ITGB8: variants seen among roughly 807,000 people sequenced by gnomAD.
ITGB8 encodes integrin beta-8.
ITGB8 carries 30 observed loss-of-function variants against 89.5 expected under a neutral mutation model. The observed-to-expected ratio is 0.34, with a 90% CI of 0.25 to 0.45. The LOEUF (loss-of-function observed/expected upper bound fraction) is 0.45, where lower values mean the gene tolerates loss of function less well. Among genes scored for constraint, ITGB8 ranks in the 20% least tolerant of loss-of-function variants. The pLI is 1.00. For missense variants in ITGB8, 836 were observed against 933.3 expected (o/e 0.90, Z 1.36); for synonymous variants, 335 against 320.4 (o/e 1.05, Z -0.49).
intron 1 of ITGB8, among the ~76,000 whole-genome samples, chr7:20,347,330 T>C (rs1305220404): frequency 1.3e-5 from 2 of 152,184 alleles, no homozygotes; most frequent in Non-Finnish European, 2.9e-5. Context: ...ATGTGATCAC[T>C]GTATCAGCAA....
chr7:20,373,493 C>T (rs914017923), intron 3 of ITGB8, among the ~76,000 whole-genome samples: 1 of 152,126 alleles, frequency 6.6e-6, no homozygotes, highest in African/African-American at 2.4e-5. Flanking sequence ...AAACTTGGTT[C>T]GTTTTAATAA....
intron 1 of ITGB8, among the ~76,000 whole-genome samples, chr7:20,350,170 G>A (rs534114758): frequency 4.6e-5 from 7 of 152,244 alleles, no homozygotes; most frequent in Admixed American, 2.0e-4. Context: ...GTTTTGAGAC[G>A]GAGTTTCACT....
intron 1 of ITGB8, among the ~76,000 whole-genome samples, chr7:20,337,801 G>T (rs1369580426): frequency 6.6e-6 from 1 of 152,198 alleles, no homozygotes; most frequent in Non-Finnish European, 1.5e-5. Context: ...CATGGGCAGG[G>T]AGTCCATGGG....
At chr7:20,376,717 C>T (rs187211628) in intron 3 of ITGB8, among the ~76,000 whole-genome samples, 2 of 152,214 alleles carry the variant, frequency 1.3e-5, no homozygotes, top group East Asian at 3.9e-4. Flanking sequence ...GTCTATTTAC[C>T]TTGAATTGAC....
In ITGB8 at chr7:20,389,838, GT is replaced by G. The variant is rs5882739; in HGVS notation, c.961-1554del. 5.1e-4 allele frequency among the ~76,000 whole-genome samples: 76 copies of G among 148,844 alleles called. 1 individual carries two copies. The East Asian group carries it at 6.5e-3, about 13-fold the overall frequency. On this transcript the variant is annotated intron_variant, in intron 6 of 13. Transcript: ENST00000222573. Reference sequence around the variant, plus strand: ...AGCTGGCAGAATTTGTGTTTTTGGAGTTTTTTTTTTTCCATTGCTTTACAAT... The same window carrying G: ...AGCTGGCAGAATTTGTGTTTTTGGAGTTTTTTTTTTCCATTGCTTTACAAT...
Position 20,409,664 on chromosome 7 carries a change from A to G in ITGB8, c.2073A>G (p.Ile691Met). The G allele has an allele frequency of 6.2e-7, 1 of 1,610,940 alleles. No homozygotes were observed. Among genetic ancestry groups the G allele is most frequent in the Non-Finnish European group, 8.5e-7 (1 of 1,178,464 alleles). The change falls in exon 13 of 14, where the codon ATA becomes ATG. Residue 691 changes from isoleucine (I) to methionine (M), a missense_variant. Physicochemically the swap from Ile to Met is conservative, Grantham distance 10. This residue lies in a region of ITGB8 where 422 missense variants were observed against 416.9 expected (regional missense o/e 1.01). Transcript: ENST00000222573. ...SYLRIFFIIF[I>M]VTFLIGLLKV... ...TGAGAATATTTTTCATCATTTTCAT[A>G]GTTACATTCTTGATTGGGTTGCTTA...
At chr7:20,399,050 T>C in intron 9 of ITGB8, 56 bp downstream of exon 9, 1 of 1,556,756 alleles carries the variant, frequency 6.4e-7, no homozygotes, top group African/African-American at 1.4e-5. Flanking sequence ...TGGCGTACTT[T>C]CTTACAGAAA....
chr7:20,380,420 A>G (rs1786330141), intron 4 of ITGB8: 1 of 417,622 alleles, frequency 2.4e-6, no homozygotes, highest in Non-Finnish European at 4.3e-6. Context: ...ATATTAAAAA[A>G]CATGTTTAAT....
At position 20,401,786 on chromosome 7, in the gene ITGB8, A is replaced by C. The variant is rs777563368; in HGVS notation, c.1347A>C (p.Ile449=). ...TCACAGGAGGAAAAAACTATGCAAT[A>C]ATCAAACCTATTGGTTTTAATGAAA... is the stretch of plus-strand genomic sequence containing the variant. ...CDVTGGKNYA[I]IKPIGFNETA... The change falls in exon 10 of 14, where the codon ATA becomes ATC. Residue 449 remains isoleucine (I), a synonymous_variant. Transcript: ENST00000222573. 6.2e-7 allele frequency: 1 copy of C among 1,608,120 alleles called. No individual in the cohort carries two copies. The highest frequency in any genetic ancestry group is 8.5e-7 in the Non-Finnish European group (1 of 1,178,484).
intron 7 of ITGB8, among the ~76,000 whole-genome samples, chr7:20,392,809 T>C (rs934046893): frequency 4.6e-5 from 7 of 152,350 alleles, no homozygotes; most frequent in Non-Finnish European, 1.0e-4. Flanking sequence ...CTTTATTTAA[T>C]TCCTTGTTTA....
chr7:20,404,548 G>A (rs1284298994), intron 10 of ITGB8, 80 bp from the exon 11 acceptor site: 12 of 1,175,044 alleles, frequency 1.0e-5, no homozygotes, highest in Middle Eastern at 2.1e-4. Flanking sequence ...CCATGGAGAT[G>A]ATACAGGAAT....
intron 1 of ITGB8, among the ~76,000 whole-genome samples, chr7:20,348,061 G>A (rs947676866): frequency 5.9e-5 from 9 of 152,156 alleles, no homozygotes; most frequent in Non-Finnish European, 1.2e-4. Flanking sequence ...TTTCTAATAA[G>A]AGAACAAAGA....
intron 10 of ITGB8, 61 bp from the exon 11 acceptor site, chr7:20,404,567 G>A: frequency 2.8e-6 from 4 of 1,431,898 alleles, no homozygotes; most frequent in Non-Finnish European, 3.9e-6. Flanking sequence ...ATCCATGGTT[G>A]AAAACTCTTT....
intron 1 of ITGB8, among the ~76,000 whole-genome samples, chr7:20,351,896 G>A (rs775723379): frequency 7.3e-5 from 11 of 151,376 alleles, no homozygotes; most frequent in East Asian, 3.9e-4. Context: ...TTTTTTTTAA[G>A]TTGGAGAAAG....
At chr7:20,382,435 G>T (rs957740881) in intron 6 of ITGB8, among the ~76,000 whole-genome samples, 3 of 152,160 alleles carry the variant, frequency 2.0e-5, no homozygotes, top group Non-Finnish European at 4.4e-5. Flanking sequence ...CTGAGGGTTA[G>T]TATAAGCTCT....
At chr7:20,346,629 TAGTTCTGA>T (rs1348456518) in intron 1 of ITGB8, 2 of 815,852 alleles carry the variant, frequency 2.5e-6, no homozygotes, top group Non-Finnish European at 3.0e-6. Context: ...AAGCCTGACT[TAGTTCTGA>T]AGTGAGGCGT....
At position 20,367,093 on chromosome 7, in the gene ITGB8, A is replaced by G. The variant is rs754038318; in HGVS notation, c.295A>G (p.Ile99Val). ...AAGCAAAGGCTGCTCAGTTGATTCA[A>G]TAGAATACCCATCTGTGCATGTTAT... ...LISKGCSVDS[I>V]EYPSVHVIIP... is the part of the protein sequence containing the mutation. The change falls in exon 3 of 14, where the codon ATA (isoleucine) becomes GTA (valine). Residue 99 changes from isoleucine (I) to valine (V), a missense_variant. Ile to Val is a conservative substitution (Grantham distance 29). This residue lies in a region of ITGB8 where 182 missense variants were observed against 177.0 expected (regional missense o/e 1.03). Coordinates refer to ENST00000222573, the MANE Select transcript of ITGB8 (RefSeq NM_002214.3). 8 of 1,609,970 alleles carry G rather than the reference A, an allele frequency of 5.0e-6. No homozygotes were observed. Among genetic ancestry groups the G allele is most frequent in the East Asian group, 2.2e-5 (1 of 44,856 alleles).
intron 1 of ITGB8, among the ~76,000 whole-genome samples, chr7:20,346,104 T>C (rs1222739701): frequency 2.6e-5 from 4 of 152,068 alleles, no homozygotes; most frequent in African/African-American, 9.7e-5. Flanking sequence ...GATTAGGGGA[T>C]GAGAGAGGGA....
chr7:20,398,714 A>G (rs752722130), intron 8 of ITGB8, 146 bp from the exon 9 acceptor site: 113 of 475,488 alleles, frequency 2.4e-4, no homozygotes, highest in Non-Finnish European at 3.7e-4. Context: ...TTATGTGGAA[A>G]CACTGTTTTT....
Sources: gnomAD v4.1 joint callset for allele counts (sites outside exome capture counted in the v4.1 genomes callset) on GRCh38, gnomAD v4.1.1 for gene constraint, gnomAD v4.1.1 regional missense constraint, MANE v1.5 for transcripts, NCBI Gene and HGNC (gene_info 2026-07-23, HGNC 2026-07-21) for gene names.